Variants in PGBD2 observed in about 807,000 individuals in gnomAD.
PGBD2 encodes piggyBac transposable element derived 2, also known as piggyBac transposable element-derived protein 2.
A neutral mutation model predicts 8.1 loss-of-function variants in PGBD2; 6 were observed. The observed-to-expected ratio is 0.74, with a 90% CI of 0.40 to 1.46. The LOEUF (loss-of-function observed/expected upper bound fraction) is 1.46, where lower values mean the gene tolerates loss of function less well. Among genes scored for constraint, PGBD2 ranks in the 40% most tolerant of loss-of-function variants. The pLI is 0.02. For synonymous variants in PGBD2, 318 were observed against 272.2 expected (o/e 1.17, Z -1.66); for missense variants, 802 against 739.0 (o/e 1.09, Z -0.99).
At chr1:248,922,938 C>A (rs1662316717), downstream of PGBD2, among the ~76,000 whole-genome samples, 2 of 152,264 alleles carry the variant, frequency 1.3e-5, no homozygotes, top group Non-Finnish European at 1.5e-5. Context: ...TGTGTCTCTG[C>A]CAGGTTTTGG....
chr1:248,925,171 A>G, the PGBD2 span, among the ~76,000 whole-genome samples: 1 of 152,222 alleles, frequency 6.6e-6, no homozygotes, highest in Non-Finnish European at 1.5e-5. Context: ...ACAAATACCA[A>G]GGTTAGGTCA....
intron 1 of PGBD2, among the ~76,000 whole-genome samples, chr1:248,912,988 C>G (rs1261280170): frequency 4.0e-5 from 6 of 151,816 alleles, no homozygotes; most frequent in African/African-American, 1.5e-4. Flanking sequence ...TTTTAGTAGA[C>G]ACGGGGTTTC....
At chr1:248,919,668 G>C (rs1013685900), downstream of PGBD2, 2 of 166,388 alleles carry the variant, frequency 1.2e-5, no homozygotes, top group African/African-American at 4.8e-5. Context: ...GCTTCAAACT[G>C]TTCTCCATAG....
chr1:248,905,634 TG>T (rs1661609451), upstream of PGBD2, among the ~76,000 whole-genome samples: 1 of 152,184 alleles, frequency 6.6e-6, no homozygotes, highest in Non-Finnish European at 1.5e-5. Context: ...GAATCTTAGA[TG>T]AACAACACTG....
At chr1:248,874,255 T>G in the PGBD2 span, among the ~76,000 whole-genome samples, 3 of 152,156 alleles carry the variant, frequency 2.0e-5, no homozygotes, top group Non-Finnish European at 4.4e-5. Context: ...TCTTCCCTGG[T>G]GGTCTAGTGG....
chr1:248,927,413 C>G, the PGBD2 span, among the ~76,000 whole-genome samples: 1 of 152,164 alleles, frequency 6.6e-6, no homozygotes, highest in South Asian at 2.1e-4. Context: ...AGTTGTGATT[C>G]TATGCAGAAG....
the PGBD2 span, among the ~76,000 whole-genome samples, chr1:248,880,926 T>C: frequency 6.6e-6 from 1 of 152,166 alleles, no homozygotes; most frequent in Non-Finnish European, 1.5e-5. Flanking sequence ...TGTTCCCTAG[T>C]CATTATTTAG....
Position 248,918,261 on chromosome 1 carries a change from G to C in PGBD2, c.1677G>C (p.Lys559Asn), listed in dbSNP as rs774735883. Residue 559 changes from lysine to asparagine, a missense_variant, in exon 3 of 3, where the codon AAG becomes AAC. By Grantham distance (94) the Lys-to-Asn change is moderately conservative. Transcript: ENST00000329291. Reference sequence around the variant, plus strand: ...GGCACTGGATTATCCATCAGGACAAGAGGACCCGGTGTGCCCTCTGCCACT... The same window carrying C: ...GGCACTGGATTATCCATCAGGACAACAGGACCCGGTGTGCCCTCTGCCACT... ...MIGHWIIHQD[K>N]RTRCALCHSQ... The C allele has an allele frequency of 3.7e-6, 6 of 1,613,050 alleles. No individual in the cohort carries two copies. The South Asian group carries it at 6.6e-5, about 18-fold the overall frequency.
At chr1:248,927,579 A>C in the PGBD2 span, among the ~76,000 whole-genome samples, 1 of 152,186 alleles carries the variant, frequency 6.6e-6, no homozygotes, top group Non-Finnish European at 1.5e-5. Flanking sequence ...GTAGCCAGAG[A>C]CATTATATAA....
chr1:248,923,310 A>G (rs753346486), downstream of PGBD2, among the ~76,000 whole-genome samples: 8 of 152,120 alleles, frequency 5.3e-5, no homozygotes, highest in Admixed American at 2.6e-4. Flanking sequence ...GATATCCCCT[A>G]TATGCTTTCT....
rs763145910 is a variant in PGBD2 at position 248,916,642 on chromosome 1, T to G, written c.58T>G (p.Ser20Ala). ...GAGAGGTATCCACTCAAAGGTGAAGTCTGCAAAGCTGCTTGAGGTTCTGAA... is the reference window on the plus strand; with the variant it reads ...GAGAGGTATCCACTCAAAGGTGAAGGCTGCAAAGCTGCTTGAGGTTCTGAA... ...AGRGIHSKVK[S>A]AKLLEVLNAM... Residue 20 changes from serine to alanine, a missense_variant, in exon 3 of 3, where the codon TCT (serine) becomes GCT (alanine). Transcript: ENST00000329291. The G allele has an allele frequency of 5.6e-6, 9 of 1,614,114 alleles. No individual in the cohort carries two copies. The highest frequency in any genetic ancestry group is 7.6e-6 in the Non-Finnish European group (9 of 1,180,018).
intron 2 of PGBD2, 73 bp from the exon 3 acceptor site, chr1:248,916,529 A>T: frequency 1.5e-6 from 2 of 1,324,286 alleles, no homozygotes; most frequent in South Asian, 1.3e-5. Flanking sequence ...TAGTGGGAGC[A>T]CCCTCCTCTT....
downstream of PGBD2, among the ~76,000 whole-genome samples, chr1:248,921,598 G>T (rs1662288628): frequency 6.6e-6 from 1 of 152,126 alleles, no homozygotes; most frequent in Admixed American, 6.5e-5. Flanking sequence ...TTTTTCCCCA[G>T]GATTGTCTTG....
At position 248,916,135 on chromosome 1, in the gene PGBD2, C is replaced by T. The variant is rs184578602; in HGVS notation, c.18-467C>T. 5.3e-4 allele frequency among the ~76,000 whole-genome samples: 80 copies of T among 152,268 alleles called. No homozygotes were observed. In the East Asian group the frequency reaches 0.01, roughly 19 times the overall value. On this transcript the variant is annotated intron_variant, in intron 2 of 2. Coordinates refer to ENST00000329291, the MANE Select transcript of PGBD2 (RefSeq NM_170725.3). ...GCACTTAAAAGCAGAATCTGTGGGC[C>T]GGGTGCCATGGCTCACGCCTGTAAT...
chr1:248,883,281 G>A, the PGBD2 span, among the ~76,000 whole-genome samples: 1 of 151,778 alleles, frequency 6.6e-6, no homozygotes, highest in East Asian at 1.9e-4. Context: ...GTGCCACTAC[G>A]CCTGGCTAAT....
At chr1:248,874,371 C>CA in the PGBD2 span, among the ~76,000 whole-genome samples, 3 of 152,158 alleles carry the variant, frequency 2.0e-5, no homozygotes, top group Admixed American at 2.0e-4. Context: ...GTGATGTTCC[C>CA]AGAGTCAGCT....
the PGBD2 span, among the ~76,000 whole-genome samples, chr1:248,897,292 A>G: frequency 1.5e-5 from 2 of 132,400 alleles, no homozygotes; most frequent in East Asian, 2.3e-4. Flanking sequence ...AGCCGATCGG[A>G]ACAAATACAG....
In PGBD2 at chr1:248,917,799, T is replaced by C. The variant is rs1441268390; in HGVS notation, c.1215T>C (p.Ser405=). 1 of 1,613,540 alleles carries C rather than the reference T, an allele frequency of 6.2e-7. No individual in the cohort carries two copies. The highest frequency in any genetic ancestry group is 8.5e-7 in the Non-Finnish European group (1 of 1,179,940). The change falls in exon 3 of 3, where the codon AGT becomes AGC. Residue 405 remains serine, a synonymous_variant. Coordinates refer to ENST00000329291, the MANE Select transcript of PGBD2 (RefSeq NM_170725.3). ...CATTTGATTACAAAGTCGATGAGAG[T>C]GAGGAGATCATCGTGTGCCGCTGGC... ...RGSFDYKVDE[S]EEIIVCRWHD...
At chr1:248,905,462 T>C (rs962167758), upstream of PGBD2, among the ~76,000 whole-genome samples, 1 of 151,662 alleles carries the variant, frequency 6.6e-6, no homozygotes, top group African/African-American at 2.4e-5. Flanking sequence ...TAGGGGGAGA[T>C]ACTTTTATTT....
Sources: allele counts gnomAD v4.1 joint callset (sites outside exome capture counted in the v4.1 genomes callset), GRCh38; gene constraint gnomAD v4.1.1; transcripts MANE v1.5; gene names NCBI Gene and HGNC (gene_info 2026-07-23, HGNC 2026-07-21).